The following PBX3 variants were observed in gnomAD, a reference collection of about 807,000 sequenced individuals.
The protein encoded by PBX3 is PBX homeobox 3.
Under a neutral mutation model 48.5 loss-of-function variants are expected in PBX3, and 14 were observed. The ratio of observed to expected loss-of-function variants is 0.29; its 90% CI spans 0.19 to 0.45. PBX3 has a LOEUF of 0.45. Ranked by LOEUF, PBX3 falls within the 20% of genes least tolerant of loss-of-function variation. PBX3 has a pLI of 1.00. For missense variants in PBX3, 386 were observed against 546.7 expected (o/e 0.71, Z 2.93); for synonymous variants, 210 against 200.3 (o/e 1.05, Z -0.41).
At chr9:125,839,698 G>A (rs985173219) in intron 2 of PBX3, among the ~76,000 whole-genome samples, 2 of 152,052 alleles carry the variant, frequency 1.3e-5, no homozygotes, top group Admixed American at 6.6e-5. Flanking sequence ...GTATAGTTTT[G>A]GATTACTGGA....
At chr9:125,783,875 C>T (rs897563131) in intron 2 of PBX3, among the ~76,000 whole-genome samples, 41 of 151,968 alleles carry the variant, frequency 2.7e-4, no homozygotes, top group African/African-American at 9.9e-4. Context: ...GTGGCGCACG[C>T]CTATAATCCC....
intron 2 of PBX3, among the ~76,000 whole-genome samples, chr9:125,853,985 T>TAC (rs34586706): frequency 0.53 from 80,193 of 150,516 alleles, 22,357 homozygotes; most frequent in South Asian, 0.63. Flanking sequence ...GGCTGCTGTA[T>TAC]ACACACACAC....
intron 2 of PBX3, among the ~76,000 whole-genome samples, chr9:125,794,095 AC>A (rs2132074313): frequency 6.6e-6 from 1 of 152,342 alleles, no homozygotes; most frequent in East Asian, 1.9e-4. Flanking sequence ...TCTTAATTTT[AC>A]AAATGAGGAA....
At chr9:125,849,036 A>C (rs1341969062) in intron 2 of PBX3, among the ~76,000 whole-genome samples, 1 of 151,996 alleles carries the variant, frequency 6.6e-6, no homozygotes, top group African/African-American at 2.4e-5. Context: ...CAGTACTTTT[A>C]GGAAGTTGGT....
intron 3 of PBX3, among the ~76,000 whole-genome samples, chr9:125,924,598 G>A (rs1841530476): frequency 6.6e-6 from 1 of 152,216 alleles, no homozygotes; most frequent in South Asian, 2.1e-4. Context: ...TTGTACCTAT[G>A]TGTGCTTTTG....
rs1176754546 is a variant in PBX3 at position 125,962,111 on chromosome 9, G to T, written c.1019G>T (p.Gly340Val). 20 of 1,588,922 alleles carry T rather than the reference G, an allele frequency of 1.3e-5. No individual in the cohort carries two copies. The highest frequency in any genetic ancestry group is 1.7e-5 in the Admixed American group (1 of 59,906). The change falls in exon 7 of 9, where the codon GGT (glycine) becomes GTT (valine). Residue 340 changes from glycine (G) to valine (V), a missense_variant. This residue lies in a region of PBX3 where 127 missense variants were observed against 143.3 expected (regional missense o/e 0.89). Transcript: ENST00000373489. ...ACTCTTTCCTTTCCAGGTTCTTCTG[G>T]TTCTTTTAACCTCCCAAATTCTGGG... ...SPTTPNSGSS[G>V]SFNLPNSGDM...
chr9:125,754,151 CT>C (rs1175901250), intron 2 of PBX3, among the ~76,000 whole-genome samples: 4 of 152,164 alleles, frequency 2.6e-5, no homozygotes, highest in South Asian at 2.1e-4. Context: ...TATCTTTTCC[CT>C]ATTCGTGTTT....
intron 4 of PBX3, among the ~76,000 whole-genome samples, chr9:125,933,218 C>T (rs1047310345): frequency 2.0e-5 from 3 of 152,206 alleles, no homozygotes; most frequent in Middle Eastern, 3.2e-3. Context: ...CATGCTCAGT[C>T]AGATATATGA....
chr9:125,930,941 G>T (rs1662464410), intron 4 of PBX3, among the ~76,000 whole-genome samples: 1 of 152,094 alleles, frequency 6.6e-6, no homozygotes, highest in South Asian at 2.1e-4. Context: ...GCCTGTTCCT[G>T]TCTGCATTAC....
intron 2 of PBX3, among the ~76,000 whole-genome samples, chr9:125,861,465 C>A (rs1839862503): frequency 6.6e-6 from 1 of 151,928 alleles, no homozygotes; most frequent in Admixed American, 6.6e-5. Context: ...TATGACCCAG[C>A]AATTTTATGC....
intron 2 of PBX3, among the ~76,000 whole-genome samples, chr9:125,824,752 G>A (rs1295550015): frequency 6.6e-6 from 1 of 151,814 alleles, no homozygotes; most frequent in African/African-American, 2.4e-5. Context: ...AGACAGTGGG[G>A]GACAACAAAG....
intron 1 of PBX3, 49 bp from the exon 2 acceptor site, chr9:125,748,501 A>G (rs1836272158): frequency 1.9e-6 from 3 of 1,597,324 alleles, no homozygotes; most frequent in South Asian, 1.1e-5. Flanking sequence ...GCGCCATATT[A>G]TTCCATAGGT....
At chr9:125,927,291 A>C (rs117802889) in intron 3 of PBX3, among the ~76,000 whole-genome samples, 1,793 of 152,332 alleles carry the variant, frequency 0.012, 13 homozygotes, top group Middle Eastern at 0.044. Flanking sequence ...TAGTGTCACC[A>C]CTCACAAGGA....
intron 2 of PBX3, among the ~76,000 whole-genome samples, chr9:125,760,844 CGTT>C (rs1455681823): frequency 1.3e-5 from 2 of 152,060 alleles, no homozygotes; most frequent in African/African-American, 4.8e-5. Context: ...GATTAAGCCA[CGTT>C]GTGTGTAATG....
intron 8 of PBX3, 101 bp from the exon 9 acceptor site, chr9:125,965,730 C>T: frequency 1.2e-6 from 1 of 835,438 alleles, no homozygotes; most frequent in Admixed American, 1.8e-5. Flanking sequence ...ATACATTTTG[C>T]TAATGCATCT....
At position 125,748,135 on chromosome 9, in the gene PBX3, G is replaced by C. The variant is rs1375376213; in HGVS notation, c.201-415G>C. The C allele has an allele frequency of 2.1e-5, 13 of 612,746 alleles. No homozygotes were observed. In the Admixed American group the frequency reaches 2.5e-4, roughly 12 times the overall value. 38.0% of individuals were successfully genotyped at this position (612,746 alleles called of 1,614,324 possible). On this transcript the variant is annotated intron_variant, in intron 1 of 8. Transcript: ENST00000373489. ...TGCGGACGGCCAAGTTCTCGGAGAG[G>C]GAGGGCCGCCTTGCAAACTTTGCCG...
At chr9:125,774,875 CTTTT>C (rs929912366) in intron 2 of PBX3, among the ~76,000 whole-genome samples, 1 of 141,676 alleles carries the variant, frequency 7.1e-6, no homozygotes, top group African/African-American at 2.6e-5. Context: ...GTTCCAGTTT[CTTTT>C]TTTTTTTTTT....
intron 2 of PBX3, among the ~76,000 whole-genome samples, chr9:125,793,356 GGA>G: frequency 2.0e-5 from 1 of 49,570 alleles, no homozygotes; most frequent in African/African-American, 1.2e-4. Flanking sequence ...CATTTGGGGG[GGA>G]AAAAAAAAAT....
At chr9:125,774,423 C>T (rs1837018513) in intron 2 of PBX3, among the ~76,000 whole-genome samples, 1 of 152,150 alleles carries the variant, frequency 6.6e-6, no homozygotes, top group African/African-American at 2.4e-5. Context: ...TCTCCCAGCC[C>T]CTGGCAACCA....
Sources: gnomAD v4.1 joint callset for allele counts (sites outside exome capture counted in the v4.1 genomes callset) on GRCh38, gnomAD v4.1.1 for gene constraint, gnomAD v4.1.1 regional missense constraint, MANE v1.5 for transcripts, NCBI Gene and HGNC (gene_info 2026-07-23, HGNC 2026-07-21) for gene names.